The following SHROOM2 variants were observed in gnomAD, a reference collection of about 807,000 sequenced individuals.
The protein encoded by SHROOM2 is shroom family member 2, also known as protein Shroom2.
Under a neutral mutation model 75.9 loss-of-function variants are expected in SHROOM2, and 33 were observed. That is an observed-to-expected ratio of 0.43 (90% confidence interval 0.33 to 0.58). The LOEUF (loss-of-function observed/expected upper bound fraction) is 0.58, where lower values mean the gene tolerates loss of function less well. Among genes scored for constraint, SHROOM2 ranks in the 20% least tolerant of loss-of-function variants. The pLI is 0.04. For missense variants in SHROOM2, 1,434 were observed against 1,461.2 expected (o/e 0.98, Z 0.30); for synonymous variants, 655 against 663.6 (o/e 0.99, Z 0.20).
chrX:9,874,125 C>G (rs888492889), intron 2 of SHROOM2, among the ~76,000 whole-genome samples: 4 of 112,253 alleles, frequency 3.6e-5, no homozygotes, highest in African/African-American at 1.3e-4. Flanking sequence ...TGTTGCCTGT[C>G]TTGTACACAA....
intron 1 of SHROOM2, among the ~76,000 whole-genome samples, chrX:9,797,483 C>T (rs2083701243): frequency 8.9e-6 from 1 of 112,355 alleles, no homozygotes; most frequent in Non-Finnish European, 1.9e-5. Context: ...GCAAATATAC[C>T]CAGCTTTAAG....
chrX:9,835,403 G>A (rs1262455478), intron 1 of SHROOM2, among the ~76,000 whole-genome samples: 2 of 112,452 alleles, frequency 1.8e-5, no homozygotes, highest in African/African-American at 3.2e-5. Flanking sequence ...CAGCAGCAGC[G>A]TCATCCCCTT....
intron 1 of SHROOM2, among the ~76,000 whole-genome samples, chrX:9,796,065 T>C (rs1323232994): frequency 9.0e-6 from 1 of 111,709 alleles, no homozygotes; most frequent in Non-Finnish European, 1.9e-5. Flanking sequence ...TATTGTGGTA[T>C]CATGGGGATT....
intron 1 of SHROOM2, among the ~76,000 whole-genome samples, chrX:9,787,189 A>G (rs886647840): frequency 6.2e-5 from 7 of 112,198 alleles, no homozygotes; most frequent in East Asian, 2.8e-4. Context: ...CAGCCCATCA[A>G]TGTTTACTGA....
chrX:9,835,581 T>G (rs1203748456), intron 1 of SHROOM2, among the ~76,000 whole-genome samples: 1 of 112,475 alleles, frequency 8.9e-6, no homozygotes, highest in Non-Finnish European at 1.9e-5. Context: ...AAGGGTTGTG[T>G]TTTTAGCACC....
rs148287964 is a variant in SHROOM2 at position 9,809,353 on chromosome X, G to C, written c.165+22643G>C. Reference sequence around the variant, plus strand: ...CTTTTTGTCTGCTTTAGATTAGATGGTGCCCACCAGATTGAGGGCAGATCT... The same window carrying C: ...CTTTTTGTCTGCTTTAGATTAGATGCTGCCCACCAGATTGAGGGCAGATCT... On this transcript the variant is annotated intron_variant, in intron 1 of 9. Transcript: ENST00000380913. Among the ~76,000 whole-genome samples, 383 of 110,729 alleles carry C rather than the reference G, an allele frequency of 3.5e-3. 10 individuals are homozygous for C. In the East Asian group the frequency reaches 0.073, roughly 21 times the overall value.
intron 5 of SHROOM2, among the ~76,000 whole-genome samples, chrX:9,919,220 T>C (rs1476335396): frequency 9.1e-6 from 1 of 109,543 alleles, no homozygotes; most frequent in Non-Finnish European, 1.9e-5. Flanking sequence ...AATGGTGAAG[T>C]GCAGTCTAGG....
chrX:9,838,079 G>C (rs1262629101), intron 1 of SHROOM2, among the ~76,000 whole-genome samples: 1 of 22,663 alleles, frequency 4.4e-5, no homozygotes, highest in Admixed American at 6.1e-4. Flanking sequence ...TTTTTTTTTT[G>C]AGACAGAGTC....
Position 9,895,442 on chromosome X carries a change from G to T in SHROOM2, c.1534G>T (p.Val512Leu), listed in dbSNP as rs1374908225. 5 of 1,207,653 alleles carry T rather than the reference G, an allele frequency of 4.1e-6. No homozygotes were observed. The highest frequency in any genetic ancestry group is 2.3e-4 in the Middle Eastern group (1 of 4,361). Residue 512 changes from valine to leucine, a missense_variant, in exon 4 of 10, where the codon GTG becomes TTG. By Grantham distance (32) the Val-to-Leu change is conservative (BLOSUM62 1). This residue lies in a region of SHROOM2 where 1,340 missense variants were observed against 1,338.3 expected (regional missense o/e 1.00). Coordinates refer to ENST00000380913, the MANE Select transcript of SHROOM2 (RefSeq NM_001649.4). The stretch of plus-strand genomic sequence containing the variant: ...CCTCGAGAGTCTTCCCCCACCCACG[G>T]TGGGCCAGAGCCCACGCCATCACCT... Reference protein sequence around the residue: ...GALESLPPPTVGQSPRHHLPQ... With the variant: ...GALESLPPPTLGQSPRHHLPQ...
At chrX:9,886,595 T>G (rs2084262125) in intron 2 of SHROOM2, among the ~76,000 whole-genome samples, 1 of 111,348 alleles carries the variant, frequency 9.0e-6, no homozygotes, top group Non-Finnish European at 1.9e-5. Flanking sequence ...AAACAGCAAC[T>G]TCTCAGTCTC....
chrX:9,896,827 T>G, intron 4 of SHROOM2, 129 bp downstream of exon 4: 103 of 713,989 alleles, frequency 1.4e-4, no homozygotes, highest in Non-Finnish European at 1.9e-4. Flanking sequence ...CCAGATCTCC[T>G]AGTGTCCTCT....
chrX:9,799,157 C>CTTTTTTTTTTTTTTTTT (rs58508176), intron 1 of SHROOM2, among the ~76,000 whole-genome samples: 1 of 61,382 alleles, frequency 1.6e-5, no homozygotes, highest in African/African-American at 8.8e-5. Context: ...GAGTTTAATT[C>CTTTTTTTTTTTTTTTTT]TTTTTTTTTT....
rs192238464 is a variant in SHROOM2 at position 9,841,674 on chromosome X, C to T, written c.166-31978C>T. Among the ~76,000 whole-genome samples, 25 of 111,695 alleles carry T rather than the reference C, an allele frequency of 2.2e-4. 1 individual carries two copies. The highest frequency in any genetic ancestry group is 1.2e-3 in the Admixed American group (13 of 10,482). ...AAGGGAGTTCCTTAGCAGACCAATTCGGAATGAGTTATGTGTAAAAATGAG... is the reference window on the plus strand; with the variant it reads ...AAGGGAGTTCCTTAGCAGACCAATTTGGAATGAGTTATGTGTAAAAATGAG... On this transcript the variant is annotated intron_variant, in intron 1 of 9. Coordinates refer to ENST00000380913, the MANE Select transcript of SHROOM2 (RefSeq NM_001649.4).
At position 9,841,170 on chromosome X, in the gene SHROOM2, A is replaced by G. The variant is rs756810559; in HGVS notation, c.166-32482A>G. ...GGGGTTTCACTGTTTTGGCCAGGCT[A>G]GTCTCAAACTCCTGACCTCAGGTGA... On this transcript the variant is annotated intron_variant, in intron 1 of 9. Transcript: ENST00000380913. Among the ~76,000 whole-genome samples, 3 of 111,691 alleles carry G rather than the reference A, an allele frequency of 2.7e-5. No individual in the cohort carries two copies. The South Asian group carries it at 1.1e-3, about 42-fold the overall frequency.
chrX:9,933,523 C>A (rs2084671726), intron 6 of SHROOM2, among the ~76,000 whole-genome samples: 1 of 111,967 alleles, frequency 8.9e-6, no homozygotes, highest in Admixed American at 9.5e-5. Context: ...GTAATCCCAG[C>A]ACGTCGAGAG....
At position 9,932,517 on chromosome X, in the gene SHROOM2, A is replaced by G; in HGVS notation, c.3234A>G (p.Thr1078=). Residue 1078 remains threonine, a synonymous_variant, in exon 6 of 10, where the codon ACA becomes ACG. Transcript: ENST00000380913. Reference sequence around the variant, plus strand: ...GCGAGCCCAGGAGATACAGGGCCACAGACGGCGCACCTGCTGACGCCCCCG... The same window carrying G: ...GCGAGCCCAGGAGATACAGGGCCACGGACGGCGCACCTGCTGACGCCCCCG... ...PKREPRRYRA[T]DGAPADAPVG... 1.2e-5 allele frequency: 14 copies of G among 1,210,654 alleles called. No individual in the cohort carries two copies. Among genetic ancestry groups the G allele is most frequent in the Non-Finnish European group, 1.5e-5 (13 of 894,990 alleles).
rs182814672 is a variant in SHROOM2 at position 9,815,567 on chromosome X, A to G, written c.165+28857A>G. Among the ~76,000 whole-genome samples the G allele has an allele frequency of 5.3e-3, 508 of 95,473 alleles. 4 individuals are homozygous for G. Among genetic ancestry groups the G allele is most frequent in the African/African-American group, 0.019 (497 of 26,020 alleles). 82.9% of individuals were successfully genotyped at this position (95,473 alleles called of 115,157 possible). On this transcript the variant is annotated intron_variant, in intron 1 of 9. Transcript: ENST00000380913. ...TATATCCTATATCTATCCTATATCT[A>G]TATCCTATATCTATATCTATATCTA...
intron 1 of SHROOM2, 30 bp downstream of exon 1, chrX:9,786,740 C>T: frequency 1.2e-6 from 1 of 868,009 alleles, no homozygotes; most frequent in South Asian, 6.2e-5. Flanking sequence ...CGGGCGCTGA[C>T]AGCCGGGAGC....
intron 1 of SHROOM2, among the ~76,000 whole-genome samples, chrX:9,830,358 T>C (rs1424838739): frequency 9.0e-6 from 1 of 110,638 alleles, no homozygotes; most frequent in Non-Finnish European, 1.9e-5. Context: ...TGCTGGCGCC[T>C]GGATGGTGGC....
Sources: allele counts gnomAD v4.1 joint callset (sites outside exome capture counted in the v4.1 genomes callset), GRCh38; gene constraint gnomAD v4.1.1; regional missense constraint gnomAD v4.1.1; transcripts MANE v1.5; gene names NCBI Gene and HGNC (gene_info 2026-07-23, HGNC 2026-07-21).